CREBL2: variants seen among roughly 807,000 people sequenced by gnomAD.
CREBL2 encodes cAMP-responsive element-binding protein-like 2.
In CREBL2, 4 loss-of-function variants were observed where a neutral mutation model predicts 19.5. The observed-to-expected ratio is 0.20, with a 90% CI of 0.10 to 0.47. The LOEUF is 0.47. Among genes scored for constraint, CREBL2 ranks in the 20% least tolerant of loss-of-function variants. The pLI is 0.98. For missense variants in CREBL2, 85 were observed against 145.1 expected (o/e 0.59, Z 2.13); for synonymous variants, 42 against 46.6 (o/e 0.90, Z 0.40).
intron 1 of CREBL2, chr12:12,614,553 G>T (rs971471619): frequency 6.3e-5 from 11 of 173,404 alleles, no homozygotes; most frequent in Non-Finnish European, 1.3e-4. Context: ...CTGCAGCCTC[G>T]AACTCCTGGG....
chr12:12,612,243 G>A (rs769526768), intron 1 of CREBL2, 56 bp downstream of exon 1: 6 of 1,612,428 alleles, frequency 3.7e-6, no homozygotes, highest in Non-Finnish European at 5.1e-6. Flanking sequence ...TGCTAGTCCC[G>A]CGGCTGAACC....
At chr12:12,625,986 A>C (rs940925630) in intron 1 of CREBL2, among the ~76,000 whole-genome samples, 1 of 152,200 alleles carries the variant, frequency 6.6e-6, no homozygotes, top group African/African-American at 2.4e-5. Flanking sequence ...ACCTCATCTG[A>C]GGTAATGTGA....
At chr12:12,620,578 C>T (rs1945352040) in intron 1 of CREBL2, among the ~76,000 whole-genome samples, 1 of 152,144 alleles carries the variant, frequency 6.6e-6, no homozygotes, top group South Asian at 2.1e-4. Context: ...TTGAGTACCT[C>T]TACAGATAAT....
chr12:12,636,825 CATT>C (rs1428858630), intron 2 of CREBL2, among the ~76,000 whole-genome samples: 3 of 152,074 alleles, frequency 2.0e-5, no homozygotes, highest in Non-Finnish European at 2.9e-5. Context: ...ATTGAAACTC[CATT>C]ATTGTGAGCT....
intron 1 of CREBL2, among the ~76,000 whole-genome samples, chr12:12,633,436 A>AAAAC (rs538459719): frequency 4.6e-5 from 7 of 152,256 alleles, no homozygotes; most frequent in South Asian, 2.1e-4. Context: ...ACTCCATCTC[A>AAAAC]AAACAAACAA....
intron 1 of CREBL2, among the ~76,000 whole-genome samples, chr12:12,630,604 G>A (rs1248714186): frequency 1.3e-5 from 2 of 151,826 alleles, no homozygotes; most frequent in Non-Finnish European, 2.9e-5. Flanking sequence ...ATTCATCTCT[G>A]CCTACTATTT....
At chr12:12,630,690 T>C (rs114840898) in intron 1 of CREBL2, among the ~76,000 whole-genome samples, 1,566 of 152,300 alleles carry the variant, frequency 0.01, 22 homozygotes, top group African/African-American at 0.035. Flanking sequence ...GAAGATTAGA[T>C]TACTGATTTG....
intron 1 of CREBL2, among the ~76,000 whole-genome samples, chr12:12,614,174 G>A (rs923021022): frequency 1.3e-5 from 2 of 151,346 alleles, no homozygotes; most frequent in Non-Finnish European, 2.9e-5. Context: ...TTTATTTTTC[G>A]TAGAGACAGG....
At chr12:12,618,786 C>T (rs561619581) in intron 1 of CREBL2, among the ~76,000 whole-genome samples, 33 of 152,330 alleles carry the variant, frequency 2.2e-4, no homozygotes, top group Non-Finnish European at 3.7e-4. Flanking sequence ...CCCGGCACCT[C>T]GGGAGGCCCA....
At chr12:12,622,727 A>G (rs1005552430) in intron 1 of CREBL2, among the ~76,000 whole-genome samples, 1 of 152,210 alleles carries the variant, frequency 6.6e-6, no homozygotes, top group Non-Finnish European at 1.5e-5. Flanking sequence ...CTGTGAAGGA[A>G]GTTATGGGAG....
intron 1 of CREBL2, among the ~76,000 whole-genome samples, chr12:12,619,610 C>CGAAGAAA (rs1555173906): frequency 2.0e-5 from 3 of 151,656 alleles, no homozygotes; most frequent in Non-Finnish European, 2.9e-5. Flanking sequence ...GACTCTGTCT[C>CGAAGAAA]AAAGGAAAAA....
chr12:12,615,100 C>T (rs995708950), intron 1 of CREBL2, among the ~76,000 whole-genome samples: 5 of 152,040 alleles, frequency 3.3e-5, no homozygotes, highest in South Asian at 4.1e-4. Flanking sequence ...CTATAAACTC[C>T]GCCTCCCGGG....
At chr12:12,625,239 T>C (rs1945392947) in intron 1 of CREBL2, among the ~76,000 whole-genome samples, 1 of 152,160 alleles carries the variant, frequency 6.6e-6, no homozygotes, top group South Asian at 2.1e-4. Flanking sequence ...GACCCACCCT[T>C]TTCTGTCTAG....
chr12:12,621,610 A>G (rs1945361000), intron 1 of CREBL2, among the ~76,000 whole-genome samples: 1 of 152,180 alleles, frequency 6.6e-6, no homozygotes, highest in Non-Finnish European at 1.5e-5. Flanking sequence ...CTACAGCGTA[A>G]AGCAGAAGTA....
At chr12:12,623,681 T>C (rs1945378817) in intron 1 of CREBL2, among the ~76,000 whole-genome samples, 1 of 152,194 alleles carries the variant, frequency 6.6e-6, no homozygotes, top group Admixed American at 6.5e-5. Flanking sequence ...TGCAGTGGGC[T>C]GAATGGTGGC....
intron 1 of CREBL2, among the ~76,000 whole-genome samples, chr12:12,620,242 C>CTTT (rs67066272): frequency 5.4e-5 from 8 of 148,218 alleles, no homozygotes; most frequent in Middle Eastern, 3.4e-3. Flanking sequence ...TTTTCTTTTT[C>CTTT]TTTTTTTTTT....
At chr12:12,640,937 C>T (rs1945512304) in intron 3 of CREBL2, among the ~76,000 whole-genome samples, 1 of 152,042 alleles carries the variant, frequency 6.6e-6, no homozygotes, top group African/African-American at 2.4e-5. Flanking sequence ...GGTGTCATAT[C>T]TAAGACTCCA....
intron 1 of CREBL2, among the ~76,000 whole-genome samples, chr12:12,626,326 C>A (rs889149094): frequency 1.3e-5 from 2 of 152,160 alleles, no homozygotes; most frequent in African/African-American, 4.8e-5. Flanking sequence ...TTTTGTCTTT[C>A]GCTGTAATGG....
intron 1 of CREBL2, among the ~76,000 whole-genome samples, chr12:12,634,250 A>T (rs1462174375): frequency 1.3e-5 from 2 of 152,274 alleles, no homozygotes; most frequent in African/African-American, 4.8e-5. Flanking sequence ...TTAGTAATTC[A>T]TCATCTTTAC....
Sources: gnomAD v4.1 joint callset for allele counts (sites outside exome capture counted in the v4.1 genomes callset) on GRCh38, gnomAD v4.1.1 for gene constraint, MANE v1.5 for transcripts, NCBI Gene and HGNC (gene_info 2026-07-23, HGNC 2026-07-21) for gene names.